Variants in SMARCAL1 observed in about 807,000 individuals in gnomAD.
SMARCAL1 encodes the protein ATP-driven annealing helicase.
Under a neutral mutation model 94.5 loss-of-function variants are expected in SMARCAL1, and 58 were observed. That is an observed-to-expected ratio of 0.61 (90% CI 0.50 to 0.76). The LOEUF is 0.76. Ranked by LOEUF, SMARCAL1 falls within the 30% of genes least tolerant of loss-of-function variation. The probability of loss-of-function intolerance (pLI) is 0.00; values close to 1 mark genes in which losing one functional copy is unlikely to be tolerated. For missense variants in SMARCAL1, 1,051 were observed against 1,177.9 expected, an observed-to-expected ratio of 0.89 and a Z score of 1.58; for synonymous variants, 422 against 455.1, an observed-to-expected ratio of 0.93 and a Z score of 0.93.
At chr2:216,462,327 A>G (rs1024053892) in intron 12 of SMARCAL1, among the ~76,000 whole-genome samples, 13 of 152,102 alleles carry the variant, frequency 8.5e-5, no homozygotes, top group Non-Finnish European at 1.5e-4. Context: ...AAAACTGAAG[A>G]TGGGGGCCAA....
At chr2:216,441,683 C>G (rs1694199409) in intron 10 of SMARCAL1, among the ~76,000 whole-genome samples, 1 of 152,180 alleles carries the variant, frequency 6.6e-6, no homozygotes, top group Admixed American at 6.5e-5. Flanking sequence ...CAAATTCCTA[C>G]AATCAGAATT....
At chr2:216,425,858 T>C (rs533307318) in intron 6 of SMARCAL1, among the ~76,000 whole-genome samples, 1 of 152,318 alleles carries the variant, frequency 6.6e-6, no homozygotes, top group South Asian at 2.1e-4. Context: ...GAAGTTCTTA[T>C]TCTGGGTTGT....
chr2:216,448,843 A>AT (rs1360624570), intron 11 of SMARCAL1, among the ~76,000 whole-genome samples: 1 of 151,982 alleles, frequency 6.6e-6, no homozygotes, highest in Non-Finnish European at 1.5e-5. Context: ...AAAAAAAAAA[A>AT]GAAAAAAGTA....
intron 3 of SMARCAL1, 23 bp downstream of exon 3, chr2:216,415,538 G>GT (rs5838583): frequency 0.063 from 85,914 of 1,360,186 alleles, 3 homozygotes; most frequent in Non-Finnish European, 0.072. Context: ...TTTTTCAGCT[G>GT]TTTTTTTTTT....
At chr2:216,469,097 A>G (rs565251558) in intron 14 of SMARCAL1, among the ~76,000 whole-genome samples, 1 of 152,140 alleles carries the variant, frequency 6.6e-6, no homozygotes, top group Admixed American at 6.5e-5. Context: ...CAGCAATAAC[A>G]TCACTATTAC....
chr2:216,448,643 C>T (rs928399641), intron 11 of SMARCAL1, among the ~76,000 whole-genome samples: 2 of 152,034 alleles, frequency 1.3e-5, no homozygotes, highest in Admixed American at 6.5e-5. Flanking sequence ...TCAATTAAAG[C>T]TTGTTGGATT....
intron 9 of SMARCAL1, among the ~76,000 whole-genome samples, chr2:216,435,814 C>G (rs1274173380): frequency 1.3e-5 from 2 of 151,406 alleles, no homozygotes; most frequent in African/African-American, 2.4e-5. Context: ...CCCAGGCCAC[C>G]TGGGGGCTCT....
At chr2:216,417,262 A>C (rs1309556542) in intron 4 of SMARCAL1, among the ~76,000 whole-genome samples, 1 of 152,240 alleles carries the variant, frequency 6.6e-6, no homozygotes, top group Non-Finnish European at 1.5e-5. Flanking sequence ...AAATGTGTAC[A>C]TTAGGCGATA....
At chr2:216,432,996 G>A (rs1485023040) in intron 8 of SMARCAL1, 128 bp downstream of exon 8, 1 of 1,210,484 alleles carries the variant, frequency 8.3e-7, no homozygotes, top group Non-Finnish European at 1.2e-6. Context: ...GCAAAGGCAG[G>A]AAGAGAGATG....
intron 12 of SMARCAL1, among the ~76,000 whole-genome samples, chr2:216,458,526 A>G (rs1372403286): frequency 6.6e-6 from 1 of 152,248 alleles, no homozygotes; most frequent in Admixed American, 6.5e-5. Context: ...GGCTGGTTCA[A>G]CATACGCAAA....
Position 216,482,950 on chromosome 2 carries a change from C to G in SMARCAL1, c.2838C>G (p.Asn946Lys). The G allele has an allele frequency of 1.9e-6, 3 of 1,614,124 alleles. No individual in the cohort carries two copies. Among genetic ancestry groups the G allele is most frequent in the Non-Finnish European group, 2.5e-6 (3 of 1,180,018 alleles). The part of the protein sequence containing the change: ...QKKRRFEFFD[N>K]WDSFTSPL ...AAAGGAGATTTGAATTTTTTGATAA[C>G]TGGGACAGCTTTACGTCTCCCCTGT... The change falls in exon 18 of 18, where the codon AAC becomes AAG. Residue 946 changes from asparagine (N) to lysine (K), a missense_variant. By Grantham distance (94) the Asn-to-Lys change is moderately conservative. Transcript: ENST00000357276. This position sits in a 1 kb window ranked among gnomAD's most constrained non-coding sequence, Gnocchi z 4.3.
At position 216,423,680 on chromosome 2, in the gene SMARCAL1, CTAAG is replaced by C. The variant is rs1574450161; in HGVS notation, c.1146_1147+2del. ...CTTTCTCTTGGAAGAGCACAGTAAA[CTAAG>C]TGAGAAGCCTTCCTTACTTGTTTTA... On this transcript the variant is annotated splice_donor_variant and coding_sequence_variant, in exon 6 of 18. Transcript: ENST00000357276. LOFTEE classifies it high-confidence loss of function. The C allele has an allele frequency of 8.7e-6, 14 of 1,612,474 alleles. No homozygotes were observed. The highest frequency in any genetic ancestry group is 1.2e-5 in the Non-Finnish European group (14 of 1,178,506).
rs562557005 is a variant in SMARCAL1 at position 216,458,846 on chromosome 2, G to C, written c.2071-5751G>C. 1.2e-4 allele frequency among the ~76,000 whole-genome samples: 19 copies of C among 152,282 alleles called. No individual in the cohort carries two copies. In the South Asian group the frequency reaches 1.5e-3, roughly 12 times the overall value. ...AGTTCTGGCCAGGGCAATCAGGCAGGAGAAAGAAATAAAGGGTATTCAATT... is the reference window on the plus strand; with the variant it reads ...AGTTCTGGCCAGGGCAATCAGGCAGCAGAAAGAAATAAAGGGTATTCAATT... On this transcript the variant is annotated intron_variant, in intron 12 of 17. Transcript: ENST00000357276.
At chr2:216,448,525 C>T (rs1007754081) in intron 11 of SMARCAL1, among the ~76,000 whole-genome samples, 6 of 152,300 alleles carry the variant, frequency 3.9e-5, no homozygotes, top group Admixed American at 2.0e-4. Flanking sequence ...TCTTTGAATT[C>T]TCCTTTTCCT....
intron 15 of SMARCAL1, among the ~76,000 whole-genome samples, chr2:216,476,746 T>C (rs929542098): frequency 1.3e-5 from 2 of 152,194 alleles, no homozygotes; most frequent in Non-Finnish European, 2.9e-5. Context: ...AGTGAAGAAA[T>C]GGAAGTGTGC....
At chr2:216,472,188 C>A (rs1366356648) in intron 14 of SMARCAL1, among the ~76,000 whole-genome samples, 1 of 152,122 alleles carries the variant, frequency 6.6e-6, no homozygotes, top group East Asian at 1.9e-4. Flanking sequence ...AACCCCATCT[C>A]TACTAAGAAT....
chr2:216,414,649 T>A lies in SMARCAL1; in HGVS notation c.-56T>A. The stretch of plus-strand genomic sequence containing the variant: ...ATTCTTCTTACTTTCTTCCACAGCT[T>A]TTGCCAACTTTCCAATTAAAGGTTG... On this transcript the variant is annotated splice_region_variant and 5_prime_UTR_variant, in exon 3 of 18. Transcript: ENST00000357276. The A allele has an allele frequency of 6.7e-7, 1 of 1,481,998 alleles. No individual in the cohort carries two copies. Among genetic ancestry groups the A allele is most frequent in the Non-Finnish European group, 9.4e-7 (1 of 1,060,212 alleles). The allele number at this position is 1,481,998 out of a possible 1,614,324, so 91.8% of individuals were successfully genotyped here. A position where few individuals can be genotyped will look rare whatever the true frequency, so the allele number is the denominator to read the frequency against.
At chr2:216,431,835 A>C (rs1392101352) in intron 7 of SMARCAL1, among the ~76,000 whole-genome samples, 1 of 152,160 alleles carries the variant, frequency 6.6e-6, no homozygotes, top group African/African-American at 2.4e-5. Flanking sequence ...TGAAAAACTC[A>C]GTGCTGAGGT....
In SMARCAL1 at chr2:216,475,254, C is replaced by T; in HGVS notation, c.2245-15C>T. 6.2e-7 allele frequency: 1 copy of T among 1,613,924 alleles called. No homozygotes were observed. Among genetic ancestry groups the T allele is most frequent in the Non-Finnish European group, 8.5e-7 (1 of 1,179,978 alleles). Reference sequence around the variant, plus strand: ...GGGCTGTTGCCCACCTTGCTTCTGCCCCTTGTTCCTGCAGCACGTGCAGCA... The same window carrying T: ...GGGCTGTTGCCCACCTTGCTTCTGCTCCTTGTTCCTGCAGCACGTGCAGCA... On this transcript the variant is annotated splice_polypyrimidine_tract_variant and intron_variant, in intron 14 of 17. Transcript: ENST00000357276. The surrounding 1 kb of genome is among the most constrained non-coding windows in gnomAD (Gnocchi z 4.4).
Sources: allele counts gnomAD v4.1 joint callset (sites outside exome capture counted in the v4.1 genomes callset), GRCh38; gene constraint gnomAD v4.1.1; non-coding constraint Gnocchi (gnomAD v3.1); transcripts MANE v1.5; gene names NCBI Gene and HGNC (gene_info 2026-07-23, HGNC 2026-07-21).